The following DGKB variants were observed in gnomAD, a reference collection of about 807,000 sequenced individuals.
The protein encoded by DGKB is 90 kDa diacylglycerol kinase.
In DGKB, 67 loss-of-function variants were observed where a neutral mutation model predicts 114.3. The observed-to-expected ratio is 0.59, with a 90% confidence interval of 0.48 to 0.72. The LOEUF (loss-of-function observed/expected upper bound fraction) is 0.72, where lower values mean the gene tolerates loss of function less well. Ranked by LOEUF, DGKB falls within the 30% of genes least tolerant of loss-of-function variation. The probability of loss-of-function intolerance (pLI) is 0.00; values close to 1 mark genes in which losing one functional copy is unlikely to be tolerated. For synonymous variants in DGKB, 398 were observed against 323.1 expected (o/e 1.23, Z -2.49); for missense variants, 907 against 975.2 (o/e 0.93, Z 0.93).
chr7:14,510,162 T>C (rs1787777548), intron 20 of DGKB, among the ~76,000 whole-genome samples: 1 of 152,172 alleles, frequency 6.6e-6, no homozygotes, highest in Non-Finnish European at 1.5e-5. Flanking sequence ...GGCAATTTCT[T>C]AAAGTAAGAC....
chr7:14,274,886 T>C (rs917534491), intron 23 of DGKB, among the ~76,000 whole-genome samples: 1 of 151,830 alleles, frequency 6.6e-6, no homozygotes, highest in African/African-American at 2.4e-5. Flanking sequence ...TCCTATCACA[T>C]TGAGGATTAG....
At chr7:14,231,135 CTT>C (rs1274100980) in intron 23 of DGKB, among the ~76,000 whole-genome samples, 1 of 111,728 alleles carries the variant, frequency 9.0e-6, no homozygotes, top group African/African-American at 3.4e-5. Flanking sequence ...TTCTTTCTTT[CTT>C]TCTTTCTTTT....
In DGKB at chr7:14,677,671, C is replaced by T. The variant is rs71538882; in HGVS notation, c.1036-4644G>A. Among the ~76,000 whole-genome samples, 469 of 151,828 alleles carry T rather than the reference C, an allele frequency of 3.1e-3. 4 individuals are homozygous for T. Among genetic ancestry groups the T allele is most frequent in the Non-Finnish European group, 5.3e-3 (363 of 67,914 alleles). On this transcript the variant is annotated intron_variant, in intron 12 of 25. Coordinates refer to ENST00000402815, the MANE Select transcript of DGKB (RefSeq NM_001350709.2). ...CAATGATTCACAACATGTTATACAA[C>T]GAAGGTCAAGAAAACACAGTTTCAG...
intron 4 of DGKB, among the ~76,000 whole-genome samples, chr7:14,741,073 C>G (rs1026282724): frequency 1.3e-5 from 2 of 151,966 alleles, no homozygotes; most frequent in African/African-American, 4.8e-5. Flanking sequence ...CTTCTTTGTC[C>G]CCCTTGGTCC....
intron 21 of DGKB, among the ~76,000 whole-genome samples, chr7:14,461,908 C>T (rs6461104): frequency 0.52 from 79,437 of 151,992 alleles, 21,208 homozygotes; most frequent in African/African-American, 0.61. Context: ...TTATCTGCAA[C>T]GATCACCTTG....
intron 23 of DGKB, among the ~76,000 whole-genome samples, chr7:14,287,619 A>C (rs1468310271): frequency 6.6e-6 from 1 of 152,140 alleles, no homozygotes; most frequent in Non-Finnish European, 1.5e-5. Context: ...GGTTAATGTG[A>C]TATTAGACCC....
intron 13 of DGKB, among the ~76,000 whole-genome samples, chr7:14,647,879 T>A (rs1440390095): frequency 6.6e-6 from 1 of 152,096 alleles, no homozygotes; most frequent in Non-Finnish European, 1.5e-5. Context: ...AAGAAAGGGG[T>A]GACGGACAGC....
chr7:14,301,946 A>C (rs565391706), intron 23 of DGKB, among the ~76,000 whole-genome samples: 4 of 152,180 alleles, frequency 2.6e-5, no homozygotes, highest in African/African-American at 9.6e-5. Context: ...CCCAAATGGC[A>C]GTGCTTTAGC....
intron 21 of DGKB, among the ~76,000 whole-genome samples, chr7:14,450,102 C>A (rs1831264138): frequency 6.6e-6 from 1 of 151,940 alleles, no homozygotes; most frequent in Non-Finnish European, 1.5e-5. Context: ...TAAGCTATGA[C>A]AAGAACACAA....
chr7:14,898,168 C>G (rs536260904), intron 1 of DGKB, among the ~76,000 whole-genome samples: 208 of 152,054 alleles, frequency 1.4e-3, no homozygotes, highest in African/African-American at 4.7e-3. Context: ...AGGACAAAAA[C>G]ACATTATCAA....
At position 14,147,786 on chromosome 7, in the gene DGKB, A is replaced by T. The variant is rs1781636545; in HGVS notation, c.*1345T>A. The T allele has an allele frequency of 6.6e-6, 1 of 152,576 alleles. No homozygotes were observed. Among genetic ancestry groups the T allele is most frequent in the African/African-American group, 2.4e-5 (1 of 41,452 alleles). The allele number at this position is 152,576 out of a possible 1,614,324, so 9.5% of individuals were successfully genotyped here. A position where few individuals can be genotyped will look rare whatever the true frequency, so the allele number is the denominator to read the frequency against. On this transcript the variant is annotated 3_prime_UTR_variant, in exon 26 of 26. Coordinates refer to ENST00000402815, the MANE Select transcript of DGKB (RefSeq NM_001350709.2). ...ACTGCTCAGAAGCATTTCATTTTACATCATAGGCTTAATGAAACACTAAAA... is the reference window on the plus strand; with the variant it reads ...ACTGCTCAGAAGCATTTCATTTTACTTCATAGGCTTAATGAAACACTAAAA...
At chr7:14,934,759 T>C (rs1023488522) in intron 1 of DGKB, among the ~76,000 whole-genome samples, 2 of 152,192 alleles carry the variant, frequency 1.3e-5, no homozygotes, top group Non-Finnish European at 2.9e-5. Context: ...CAAAGTCAAA[T>C]GCTTACAATA....
chr7:14,753,017 T>C (rs1339688248), intron 4 of DGKB, among the ~76,000 whole-genome samples: 2 of 152,188 alleles, frequency 1.3e-5, no homozygotes, highest in Non-Finnish European at 2.9e-5. Flanking sequence ...CCACAGTCAA[T>C]GAGTTGCCAT....
At chr7:14,453,032 T>C (rs2128846609) in intron 21 of DGKB, among the ~76,000 whole-genome samples, 1 of 152,278 alleles carries the variant, frequency 6.6e-6, no homozygotes, top group South Asian at 2.1e-4. Flanking sequence ...TGCGTGTGCA[T>C]GGAAATGGAA....
intron 1 of DGKB, among the ~76,000 whole-genome samples, chr7:14,925,865 T>TCC (rs36061275): frequency 0.013 from 1,970 of 148,706 alleles, 53 homozygotes; most frequent in African/African-American, 0.047. Context: ...AATAATTGGG[T>TCC]CCCCCCCCCA....
chr7:14,219,186 A>G (rs545930440), intron 23 of DGKB, among the ~76,000 whole-genome samples: 60 of 151,824 alleles, frequency 4.0e-4, no homozygotes, highest in African/African-American at 1.3e-3. Flanking sequence ...TGGCATTTTG[A>G]TTGTTTTGAC....
intron 21 of DGKB, among the ~76,000 whole-genome samples, chr7:14,367,454 G>A (rs1360321744): frequency 6.6e-6 from 1 of 152,016 alleles, no homozygotes; most frequent in African/African-American, 2.4e-5. Flanking sequence ...CATGTAAGAT[G>A]TTCCTTTGCT....
chr7:14,483,083 A>G (rs1234306432), intron 20 of DGKB, among the ~76,000 whole-genome samples: 2 of 151,434 alleles, frequency 1.3e-5, no homozygotes, highest in Non-Finnish European at 2.9e-5. Context: ...ATCTCTTCAT[A>G]AATTATGTTT....
At chr7:14,283,130 A>G (rs1256754098) in intron 23 of DGKB, among the ~76,000 whole-genome samples, 1 of 151,718 alleles carries the variant, frequency 6.6e-6, no homozygotes, top group Non-Finnish European at 1.5e-5. Flanking sequence ...TCTCAGCCCA[A>G]AATCTCCTTA....
Sources: allele counts gnomAD v4.1 joint callset (sites outside exome capture counted in the v4.1 genomes callset), GRCh38; gene constraint gnomAD v4.1.1; transcripts MANE v1.5; gene names NCBI Gene and HGNC (gene_info 2026-07-23, HGNC 2026-07-21).